RNF144A: variants seen among roughly 807,000 people sequenced by gnomAD.
The protein encoded by RNF144A is ring finger protein 144A.
RNF144A carries 11 observed loss-of-function variants against 38.7 expected under a neutral mutation model. The ratio of observed to expected loss-of-function variants is 0.28; its 90% CI spans 0.18 to 0.47. RNF144A has a LOEUF of 0.47. Among genes scored for constraint, RNF144A ranks in the 20% least tolerant of loss-of-function variants. The pLI is 0.99. For missense variants in RNF144A, 316 were observed against 377.2 expected, an observed-to-expected ratio of 0.84 and a Z score of 1.34; for synonymous variants, 149 against 143.9, an observed-to-expected ratio of 1.04 and a Z score of -0.25.
Position 7,020,483 on chromosome 2 carries a change from T to C in RNF144A, c.312T>C (p.Phe104=), listed in dbSNP as rs1265848947. Residue 104 remains phenylalanine (F), a synonymous_variant, in exon 6 of 9, where the codon TTT becomes TTC. Transcript: ENST00000320892. ...KKLQFEREVL[F]DPCRTWCPAS... ...GTCTCACTGTACCAGAGGTGCTGTT[T>C]GATCCCTGTCGGACTTGGTGCCCGG... The C allele has an allele frequency of 6.2e-7, 1 of 1,613,822 alleles. No individual in the cohort carries two copies. Among genetic ancestry groups the C allele is most frequent in the Admixed American group, 1.7e-5 (1 of 60,016 alleles).
rs761763808 is a variant in RNF144A, at chr2:7,024,409, C to T, written c.550C>T (p.Arg184Cys). The T allele has an allele frequency of 1.1e-5, 17 of 1,612,020 alleles. No individual in the cohort carries two copies. Among genetic ancestry groups the T allele is most frequent in the East Asian group, 6.7e-5 (3 of 44,830 alleles). Reference sequence around the variant, plus strand: ...GGAAGAAGATGACGCGCCCATCAAGCGCTGCCCCAAGTGCAAAGTCTACAT... The same window carrying T: ...GGAAGAAGATGACGCGCCCATCAAGTGCTGCCCCAAGTGCAAAGTCTACAT... Reference protein sequence around the residue: ...KMEEDDAPIKRCPKCKVYIER... With the variant: ...KMEEDDAPIKCCPKCKVYIER... Residue 184 changes from arginine (R) to cysteine (C), a missense_variant, in exon 7 of 9, where the codon CGC becomes TGC. Physicochemically the swap from Arg to Cys is radical, Grantham distance 180 (BLOSUM62 -3). Coordinates refer to ENST00000320892, the MANE Select transcript of RNF144A (RefSeq NM_014746.6).
chr2:7,072,467 G>T (rs1183551321), downstream of RNF144A, among the ~76,000 whole-genome samples: 4 of 152,212 alleles, frequency 2.6e-5, no homozygotes, highest in Non-Finnish European at 5.9e-5. Context: ...ATCAAGAACT[G>T]CCTGTCAGGC....
chr2:7,041,833 G>A lies in RNF144A; in HGVS notation c.*2073G>A. ...CCCCGTCCTTAGGATGAGAGTCAGAGCCTTTGGAAAGGCTGCATCCCCAGG... is the reference window on the plus strand; with the variant it reads ...CCCCGTCCTTAGGATGAGAGTCAGAACCTTTGGAAAGGCTGCATCCCCAGG... On this transcript the variant is annotated 3_prime_UTR_variant, in exon 9 of 9. Coordinates refer to ENST00000320892, the MANE Select transcript of RNF144A (RefSeq NM_014746.6). 1.0e-6 allele frequency: 1 copy of A among 985,488 alleles called. No homozygotes were observed. Among genetic ancestry groups the A allele is most frequent in the Non-Finnish European group, 1.2e-6 (1 of 829,966 alleles). 61.0% of individuals were successfully genotyped at this position (985,488 alleles called of 1,614,324 possible).
chr2:7,009,777 G>A (rs983238043), intron 3 of RNF144A, among the ~76,000 whole-genome samples: 9 of 152,296 alleles, frequency 5.9e-5, no homozygotes, highest in African/African-American at 1.9e-4. Flanking sequence ...CTTAACCACA[G>A]CCCTCCAGCC....
chr2:7,030,035 C>A, intron 7 of RNF144A, 91 bp from the exon 8 acceptor site: 1 of 889,992 alleles, frequency 1.1e-6, no homozygotes, highest in Non-Finnish European at 1.9e-6. Context: ...TTATCATGAG[C>A]ATAGGAGAAG....
chr2:6,994,932 C>T (rs952246409), intron 2 of RNF144A, among the ~76,000 whole-genome samples: 4 of 152,158 alleles, frequency 2.6e-5, no homozygotes, highest in Non-Finnish European at 5.9e-5. Flanking sequence ...GTCTCCTCCT[C>T]GAATCTGGCT....
intron 2 of RNF144A, among the ~76,000 whole-genome samples, chr2:6,973,092 T>C (rs751926523): frequency 1.3e-5 from 2 of 152,250 alleles, no homozygotes; most frequent in Admixed American, 6.5e-5. Context: ...CTTCACAGTT[T>C]ACTGAAGGGA....
intron 6 of RNF144A, among the ~76,000 whole-genome samples, chr2:7,065,515 TG>T (rs1267425074): frequency 1.6e-4 from 24 of 152,228 alleles, no homozygotes; most frequent in African/African-American, 5.3e-4. Flanking sequence ...TGGCTGAGAT[TG>T]GATAGATTCT....
intron 8 of RNF144A, among the ~76,000 whole-genome samples, chr2:7,032,655 G>A (rs908382743): frequency 3.9e-5 from 6 of 152,304 alleles, no homozygotes; most frequent in East Asian, 1.9e-4. Flanking sequence ...TCTCCACCTC[G>A]TCTTCCATCA....
intron 8 of RNF144A, among the ~76,000 whole-genome samples, chr2:7,035,119 A>G (rs1011689703): frequency 9.2e-5 from 14 of 152,244 alleles, no homozygotes; most frequent in Admixed American, 2.0e-4. Context: ...GAGCCCGCTC[A>G]GGATGGCCTG....
In RNF144A at chr2:7,037,645, T is replaced by A. The variant is rs965613238; in HGVS notation, c.748-1984T>A. ...TATAAATGCAATGTGGCATAATTTA[T>A]TAAATGCAATCTAATTTATACACGT... is the stretch of plus-strand genomic sequence containing the variant. On this transcript the variant is annotated intron_variant, in intron 8 of 8. Transcript: ENST00000320892. Among the ~76,000 whole-genome samples, 7 of 152,396 alleles carry A rather than the reference T, an allele frequency of 4.6e-5. No homozygotes were observed. The South Asian group carries it at 6.2e-4, about 14-fold the overall frequency.
Position 7,060,263 on chromosome 2 carries a change from GT to G in RNF144A, c.735-7942del, listed in dbSNP as rs376451749. Among the ~76,000 whole-genome samples the G allele has an allele frequency of 1.1e-3, 159 of 145,566 alleles. 2 individuals carry two copies. The highest frequency in any genetic ancestry group is 1.8e-3 in the African/African-American group (70 of 39,880). The stretch of plus-strand genomic sequence containing the variant: ...TTGAAATAAGACATGATCCTGTTTT[GT>G]TTTTTTTTTTCTTCCTAATCTAAGG... On this transcript the variant is annotated intron_variant, in intron 6 of 6. Coordinates refer to the RNF144A transcript ENST00000432850.
intron 2 of RNF144A, among the ~76,000 whole-genome samples, chr2:6,976,627 C>A (rs1444894733): frequency 6.7e-6 from 1 of 148,184 alleles, no homozygotes; most frequent in Non-Finnish European, 1.5e-5. Flanking sequence ...GTCATATATA[C>A]ATTTCATATA....
chr2:7,035,245 C>T (rs907017409), intron 8 of RNF144A, among the ~76,000 whole-genome samples: 8 of 152,176 alleles, frequency 5.3e-5, no homozygotes, highest in African/African-American at 1.7e-4. Context: ...CTGCTTCTCC[C>T]GTTACGTGTC....
At chr2:7,002,696 A>C (rs1439544607) in intron 3 of RNF144A, among the ~76,000 whole-genome samples, 1 of 152,246 alleles carries the variant, frequency 6.6e-6, no homozygotes, top group Non-Finnish European at 1.5e-5. Flanking sequence ...CAGGAGCTGA[A>C]AAATGCATTC....
intron 6 of RNF144A, among the ~76,000 whole-genome samples, chr2:7,067,829 A>G (rs144713057): frequency 6.6e-6 from 1 of 152,292 alleles, no homozygotes; most frequent in Non-Finnish European, 1.5e-5. Context: ...CTGCTAAGTC[A>G]GTTTATCAAG....
chr2:6,985,785 G>T lies in RNF144A; in HGVS notation c.-11-11131G>T, dbSNP rs1668918789. On this transcript the variant is annotated intron_variant, in intron 2 of 8. Transcript: ENST00000320892. ...CCTCCTGGGTTCATGCCATTCTCCT[G>T]CCTCAGCCTCCCGAGTAGCTGGGAC... Among the ~76,000 whole-genome samples the T allele has an allele frequency of 2.0e-5, 3 of 152,144 alleles. No homozygotes were observed. The South Asian group carries it at 6.2e-4, about 32-fold the overall frequency.
chr2:7,014,877 G>C (rs1671041949), intron 5 of RNF144A, 105 bp downstream of exon 5: 1 of 788,050 alleles, frequency 1.3e-6, no homozygotes, highest in Non-Finnish European at 2.1e-6. Context: ...CATTTGATAG[G>C]AGTTAAAAAG....
At position 7,052,838 on chromosome 2, in the gene RNF144A, AACAC is replaced by A. The variant is rs10670138; in HGVS notation, c.735-15357_735-15354del. ...TTCCTGCACAGGAGCCCCCCTTTCC[AACAC>A]ACACACACACACACACACACCATTT... On this transcript the variant is annotated intron_variant, in intron 6 of 6. Coordinates refer to the RNF144A transcript ENST00000432850. Among the ~76,000 whole-genome samples, 135 of 150,086 alleles carry A rather than the reference AACAC, an allele frequency of 9.0e-4. 1 individual carries two copies. Among genetic ancestry groups the A allele is most frequent in the Middle Eastern group, 3.4e-3 (1 of 290 alleles).
Sources: gnomAD v4.1 joint callset for allele counts (sites outside exome capture counted in the v4.1 genomes callset) on GRCh38, gnomAD v4.1.1 for gene constraint, MANE v1.5 for transcripts, NCBI Gene and HGNC (gene_info 2026-07-23, HGNC 2026-07-21) for gene names.